Variants in PDE11A observed in about 807,000 individuals in gnomAD.
PDE11A encodes dual 3',5'-cyclic-AMP and -GMP phosphodiesterase 11A.
In PDE11A, 100 loss-of-function variants were observed where a neutral mutation model predicts 100.5. The ratio of observed to expected loss-of-function variants is 1.00; its 90% CI spans 0.85 to 1.18. The LOEUF (loss-of-function observed/expected upper bound fraction) is 1.18. Among genes scored for constraint, PDE11A ranks in the 50% most tolerant of loss-of-function variants. The probability of loss-of-function intolerance (pLI) is 0.00; values close to 1 mark genes in which losing one functional copy is unlikely to be tolerated. For synonymous variants in PDE11A, 381 were observed against 420.8 expected, an observed-to-expected ratio of 0.91 and a Z score of 1.16; for missense variants, 1,141 against 1,152.6, an observed-to-expected ratio of 0.99 and a Z score of 0.15.
At chr2:177,703,909 C>A (rs983873516) in intron 13 of PDE11A, among the ~76,000 whole-genome samples, 8 of 152,160 alleles carry the variant, frequency 5.3e-5, no homozygotes, top group African/African-American at 1.7e-4. Context: ...GTTCTATCTC[C>A]CAGTATTTGT....
chr2:177,941,559 T>A (rs2085345792), intron 2 of PDE11A, among the ~76,000 whole-genome samples: 2 of 152,172 alleles, frequency 1.3e-5, no homozygotes, highest in African/African-American at 4.8e-5. Flanking sequence ...CACATTTCAA[T>A]CTCTCTACAA....
At chr2:178,094,696 G>A (rs1307910020) in intron 2 of PDE11A, among the ~76,000 whole-genome samples, 1 of 152,092 alleles carries the variant, frequency 6.6e-6, no homozygotes, top group African/African-American at 2.4e-5. Context: ...CTGATGTAAA[G>A]AAATACCCAA....
At chr2:177,876,275 C>T (rs13031478) in intron 4 of PDE11A, among the ~76,000 whole-genome samples, 2 of 137,398 alleles carry the variant, frequency 1.5e-5, no homozygotes, top group African/African-American at 5.0e-5. Context: ...CAATAAGAGA[C>T]CCAGGTAGGG....
chr2:177,949,411 C>T (rs1487401316), intron 2 of PDE11A, among the ~76,000 whole-genome samples: 1 of 152,132 alleles, frequency 6.6e-6, no homozygotes, highest in Non-Finnish European at 1.5e-5. Flanking sequence ...CCAGAGATAG[C>T]CTTTCTCAAT....
chr2:177,917,986 C>G (rs1297154130), intron 2 of PDE11A, among the ~76,000 whole-genome samples: 1 of 151,944 alleles, frequency 6.6e-6, no homozygotes, highest in African/African-American at 2.4e-5. Flanking sequence ...GTGTAAAAGC[C>G]TTGATATAAT....
rs1265247541 is a variant in PDE11A at position 177,628,385 on chromosome 2, G to A, written c.*1022C>T. On this transcript the variant is annotated 3_prime_UTR_variant, in exon 20 of 20. Coordinates refer to ENST00000286063, the MANE Select transcript of PDE11A (RefSeq NM_016953.4). ...TTTATTCTTACCTATTGTAAACCTG[G>A]CTTCCTATAGAATATGCGTTCTTTG... The A allele has an allele frequency of 6.6e-6, 1 of 152,564 alleles. No homozygotes were observed. Among genetic ancestry groups the A allele is most frequent in the Non-Finnish European group, 1.5e-5 (1 of 68,026 alleles). The allele number at this position is 152,564 out of a possible 1,614,324, so 9.5% of individuals were successfully genotyped here.
intron 3 of PDE11A, among the ~76,000 whole-genome samples, chr2:177,900,004 C>A (rs2084672394): frequency 6.6e-6 from 1 of 151,682 alleles, no homozygotes; most frequent in African/African-American, 2.4e-5. Context: ...ATTGTAGTAA[C>A]CCGTGGTTTT....
At chr2:178,050,160 G>A (rs2086805303) in intron 1 of PDE11A, among the ~76,000 whole-genome samples, 2 of 152,196 alleles carry the variant, frequency 1.3e-5, no homozygotes, top group African/African-American at 4.8e-5. Flanking sequence ...GCTTCCGGAA[G>A]AACGATCAGG....
chr2:177,965,948 C>T (rs1419052832), intron 2 of PDE11A, among the ~76,000 whole-genome samples: 3 of 152,100 alleles, frequency 2.0e-5, no homozygotes, highest in Admixed American at 6.5e-5. Context: ...CTGCTTTGGG[C>T]AGTATAGCCA....
At chr2:178,065,290 T>C (rs148869104) in intron 1 of PDE11A, among the ~76,000 whole-genome samples, 2 of 152,330 alleles carry the variant, frequency 1.3e-5, no homozygotes, top group East Asian at 1.9e-4. Flanking sequence ...GAAAAGTTTG[T>C]ATGACTCTTC....
chr2:177,903,048 C>T (rs1385718694), intron 3 of PDE11A, among the ~76,000 whole-genome samples: 1 of 152,300 alleles, frequency 6.6e-6, no homozygotes, highest in Admixed American at 6.5e-5. Context: ...AAAGCCAAAG[C>T]CCTTGCCATG....
intron 1 of PDE11A, among the ~76,000 whole-genome samples, chr2:178,041,195 C>T (rs897412321): frequency 6.6e-6 from 1 of 151,970 alleles, no homozygotes; most frequent in Non-Finnish European, 1.5e-5. Flanking sequence ...CTGCCTCAGC[C>T]TCCCAAAGTG....
Position 177,886,382 on chromosome 2 carries a change from C to T in PDE11A, c.1303-10459G>A, listed in dbSNP as rs902567160. On this transcript the variant is annotated intron_variant, in intron 4 of 19. Transcript: ENST00000286063. ...GAGAAAGGGCTAGAACAGCATTCCT[C>T]ATTTCTATTTTTGGCATCCATTCAG... 7.2e-5 allele frequency among the ~76,000 whole-genome samples: 11 copies of T among 152,290 alleles called. No homozygotes were observed. In the South Asian group the frequency reaches 8.3e-4, roughly 12 times the overall value.
rs112198006 is a variant in PDE11A, at chr2:177,816,887, T to C, written c.1679A>G (p.Asn560Ser). The C allele has an allele frequency of 6.2e-7, 1 of 1,611,152 alleles. No individual in the cohort carries two copies. The highest frequency in any genetic ancestry group is 2.2e-5 in the East Asian group (1 of 44,854). Residue 560 changes from asparagine (N) to serine (S), a missense_variant, in exon 9 of 20, where the codon AAC becomes AGC. Coordinates refer to ENST00000286063, the MANE Select transcript of PDE11A (RefSeq NM_016953.4). ...FVIFCGLGIN[N>S]TIMYDQVKKS... is the part of the protein sequence containing the mutation. ...CTTCACTTGATCATACATAATTGTG[T>C]TGTTGATGCCAAGTCCACAAAAGAT...
At position 178,005,265 on chromosome 2, in the gene PDE11A, C is replaced by T. The variant is rs141579437; in HGVS notation, c.1071+9037G>A. Among the ~76,000 whole-genome samples, 237 of 152,264 alleles carry T rather than the reference C, an allele frequency of 1.6e-3. 3 individuals are homozygous for T. The highest frequency in any genetic ancestry group is 5.5e-3 in the African/African-American group (229 of 41,554). ...CTTCCTAGTGAAATACCCTACTTTACTGCTAGCCCTTTTGATATTACCTAG... is the reference window on the plus strand; with the variant it reads ...CTTCCTAGTGAAATACCCTACTTTATTGCTAGCCCTTTTGATATTACCTAG... On this transcript the variant is annotated intron_variant, in intron 2 of 19. Coordinates refer to ENST00000286063, the MANE Select transcript of PDE11A (RefSeq NM_016953.4).
At chr2:177,839,822 A>C (rs2083460465) in intron 6 of PDE11A, among the ~76,000 whole-genome samples, 1 of 152,250 alleles carries the variant, frequency 6.6e-6, no homozygotes, top group East Asian at 1.9e-4. Context: ...CTACCTTAGA[A>C]TGTAAACTTC....
At chr2:177,802,856 C>A (rs1478711801) in intron 9 of PDE11A, among the ~76,000 whole-genome samples, 2 of 151,782 alleles carry the variant, frequency 1.3e-5, no homozygotes, top group African/African-American at 4.8e-5. Context: ...TATGCCTAAC[C>A]AAATGTTATG....
At chr2:177,912,557 T>A (rs188529820) in intron 2 of PDE11A, among the ~76,000 whole-genome samples, 68 of 152,304 alleles carry the variant, frequency 4.5e-4, no homozygotes, top group African/African-American at 1.6e-3. Context: ...TTTAGGGAAA[T>A]AACCTTCTCA....
intron 2 of PDE11A, among the ~76,000 whole-genome samples, chr2:177,931,256 C>G (rs7588187): frequency 6.6e-6 from 1 of 152,026 alleles, no homozygotes; most frequent in Non-Finnish European, 1.5e-5. Flanking sequence ...TTTTAATTGA[C>G]AAATAAAAAG....
Sources: allele counts gnomAD v4.1 joint callset (sites outside exome capture counted in the v4.1 genomes callset), GRCh38; gene constraint gnomAD v4.1.1; transcripts MANE v1.5; gene names NCBI Gene and HGNC (gene_info 2026-07-23, HGNC 2026-07-21).